Variants in RGS6 observed in about 807,000 individuals in gnomAD.
RGS6 encodes the protein regulator of G-protein signaling 6.
Under a neutral mutation model 78.5 loss-of-function variants are expected in RGS6, and 30 were observed. The observed-to-expected ratio is 0.38, with a 90% confidence interval of 0.29 to 0.52. The LOEUF (loss-of-function observed/expected upper bound fraction) is 0.52. RGS6 is among the 20% of genes least tolerant of loss of function. The pLI is 0.85. For missense variants in RGS6, 495 were observed against 609.7 expected, an observed-to-expected ratio of 0.81 and a Z score of 1.98; for synonymous variants, 206 against 206.0, an observed-to-expected ratio of 1.00 and a Z score of 0.00.
At chr14:72,557,574 G>A (rs1314190066) in intron 17 of RGS6, among the ~76,000 whole-genome samples, 1 of 151,942 alleles carries the variant, frequency 6.6e-6, no homozygotes, top group Non-Finnish European at 1.5e-5. Context: ...CCCCACCCCA[G>A]GCCTCTAATT....
chr14:72,566,552 G>A (rs945075523), downstream of RGS6: 54 of 151,776 alleles, frequency 3.6e-4, 1 homozygote, highest in African/African-American at 1.3e-3. Context: ...GTGGCTCCTT[G>A]GTTTGGGGGT....
chr14:72,231,151 G>T (rs552014518), intron 2 of RGS6, among the ~76,000 whole-genome samples: 4 of 152,296 alleles, frequency 2.6e-5, no homozygotes, highest in East Asian at 3.9e-4. Flanking sequence ...AGTCCCTCAG[G>T]GTTGTGGCTG....
At chr14:72,560,166 C>G (rs2097651433) in intron 17 of RGS6, among the ~76,000 whole-genome samples, 1 of 152,058 alleles carries the variant, frequency 6.6e-6, no homozygotes, top group Non-Finnish European at 1.5e-5. Flanking sequence ...ATAGCAAACT[C>G]AGAACATATA....
intron 12 of RGS6, among the ~76,000 whole-genome samples, chr14:72,491,394 A>G (rs925267667): frequency 6.6e-6 from 1 of 152,242 alleles, no homozygotes; most frequent in Non-Finnish European, 1.5e-5. Flanking sequence ...AAATTGTAAT[A>G]AAGTCACTCA....
chr14:72,015,172 G>C (rs1169575589), intron 2 of RGS6, among the ~76,000 whole-genome samples: 2 of 152,214 alleles, frequency 1.3e-5, no homozygotes, highest in Non-Finnish European at 2.9e-5. Context: ...TCCACTCATG[G>C]AGGAAGGTGA....
chr14:72,449,782 G>A (rs1210830715), intron 3 of RGS6, among the ~76,000 whole-genome samples: 1 of 152,136 alleles, frequency 6.6e-6, no homozygotes, highest in Admixed American at 6.5e-5. Context: ...GCCAGAGAGT[G>A]GCCAACTGGA....
the RGS6 span, among the ~76,000 whole-genome samples, chr14:72,599,397 T>C: frequency 3.0e-4 from 2 of 6,574 alleles, no homozygotes; most frequent in Non-Finnish European, 6.5e-4. Flanking sequence ...TCTTTCCTTT[T>C]TTTTTTTTTT....
At chr14:72,216,465 G>T (rs935043650) in intron 2 of RGS6, among the ~76,000 whole-genome samples, 6 of 152,172 alleles carry the variant, frequency 3.9e-5, no homozygotes, top group Non-Finnish European at 8.8e-5. Flanking sequence ...TATCAGTCTT[G>T]TTACTAAGAG....
the RGS6 span, among the ~76,000 whole-genome samples, chr14:72,596,572 A>G: frequency 2.6e-5 from 4 of 152,132 alleles, no homozygotes; most frequent in African/African-American, 9.7e-5. Context: ...TCAGTCGAGC[A>G]AAAAAAGTTC....
chr14:72,396,537 T>A (rs1036287141), intron 3 of RGS6, among the ~76,000 whole-genome samples: 8 of 152,144 alleles, frequency 5.3e-5, no homozygotes, highest in African/African-American at 1.7e-4. Flanking sequence ...GTGCAGAAGC[T>A]CTTTAGTCTG....
At chr14:72,002,759 G>C (rs1161451101) in intron 2 of RGS6, among the ~76,000 whole-genome samples, 1 of 152,138 alleles carries the variant, frequency 6.6e-6, no homozygotes, top group Non-Finnish European at 1.5e-5. Context: ...ATTATCCTCT[G>C]GACACTTCTG....
intron 3 of RGS6, among the ~76,000 whole-genome samples, chr14:72,387,385 T>TA (rs1318150904): frequency 6.6e-6 from 1 of 151,986 alleles, no homozygotes; most frequent in Non-Finnish European, 1.5e-5. Flanking sequence ...CCATCTCTAC[T>TA]AAAAATACAA....
chr14:72,151,616 C>A (rs1034018271), intron 2 of RGS6, among the ~76,000 whole-genome samples: 1 of 152,168 alleles, frequency 6.6e-6, no homozygotes, highest in Non-Finnish European at 1.5e-5. Context: ...CCCACTCTTA[C>A]AGTTGACGGG....
intron 2 of RGS6, among the ~76,000 whole-genome samples, chr14:72,277,286 T>C (rs150470815): frequency 2.6e-3 from 398 of 152,354 alleles, no homozygotes; most frequent in Middle Eastern, 6.8e-3. Context: ...GACTCAAGCA[T>C]CCATTGTTTG....
At chr14:72,391,951 G>T (rs1015369372) in intron 3 of RGS6, among the ~76,000 whole-genome samples, 1 of 152,270 alleles carries the variant, frequency 6.6e-6, no homozygotes, top group South Asian at 2.1e-4. Context: ...TGGCTGCATA[G>T]TATTCCATGG....
chr14:71,910,002 A>G, the RGS6 span, among the ~76,000 whole-genome samples: 1 of 152,262 alleles, frequency 6.6e-6, no homozygotes, highest in Middle Eastern at 3.4e-3. Context: ...AGCCTGGGCA[A>G]CATGATGAAA....
chr14:72,370,570 T>C (rs915289779), intron 3 of RGS6, among the ~76,000 whole-genome samples: 1 of 152,112 alleles, frequency 6.6e-6, no homozygotes, highest in African/African-American at 2.4e-5. Flanking sequence ...TACATCAGGG[T>C]AAACATGTGT....
chr14:71,984,311 A>C (rs1217904070), intron 2 of RGS6, among the ~76,000 whole-genome samples: 36 of 111,390 alleles, frequency 3.2e-4, no homozygotes, highest in East Asian at 1.5e-3. Context: ...AAAAAAAAAA[A>C]AAAAAAAAAA....
chr14:72,383,869 A>T (rs889058698), intron 3 of RGS6, among the ~76,000 whole-genome samples: 1 of 152,220 alleles, frequency 6.6e-6, no homozygotes. Context: ...GCTGTATGTT[A>T]TCACTATGCA....
Sources: gnomAD v4.1 joint callset for allele counts (sites outside exome capture counted in the v4.1 genomes callset) on GRCh38, gnomAD v4.1.1 for gene constraint, MANE v1.5 for transcripts, NCBI Gene and HGNC (gene_info 2026-07-23, HGNC 2026-07-21) for gene names.